KCNAB2: variants seen among roughly 807,000 people sequenced by gnomAD.
KCNAB2 encodes potassium voltage-gated channel subfamily A regulatory beta subunit 2.
KCNAB2 carries 29 observed loss-of-function variants against 63.6 expected under a neutral mutation model. That is an observed-to-expected ratio of 0.46 (90% CI 0.34 to 0.62). The LOEUF (loss-of-function observed/expected upper bound fraction) is 0.62, where lower values mean the gene tolerates loss of function less well. Ranked by LOEUF, KCNAB2 falls within the 20% of genes least tolerant of loss-of-function variation. The pLI is 0.01. For missense variants in KCNAB2, 359 were observed against 563.9 expected (o/e 0.64, Z 3.68); for synonymous variants, 222 against 224.2 (o/e 0.99, Z 0.09).
intron 10 of KCNAB2, 126 bp from the exon 11 acceptor site, chr1:6,094,274 C>T: frequency 1.4e-6 from 1 of 690,162 alleles, no homozygotes; most frequent in Non-Finnish European, 2.5e-6. Context: ...AAGTACACTG[C>T]TTGCAAGACA....
In KCNAB2 at chr1:6,098,534, T is replaced by C. The variant is rs1385103579; in HGVS notation, c.1208T>C (p.Leu403Ser). 2.5e-6 allele frequency: 4 copies of C among 1,614,026 alleles called. No homozygotes were observed. Among genetic ancestry groups the C allele is most frequent in the Non-Finnish European group, 3.4e-6 (4 of 1,179,998 alleles). Residue 403 changes from leucine to serine, a missense_variant, in exon 16 of 16, where the codon TTG becomes TCG. Physicochemically the swap from Leu to Ser is moderately radical, Grantham distance 145. Around this residue, in one of 2 missense-constraint regions of KCNAB2, gnomAD observed 271 missense variants for 476.1 expected, o/e 0.57. Coordinates refer to ENST00000378083, the MANE Select transcript of KCNAB2 (RefSeq NM_001199862.2). ...ATTATCCACGAGATTGATAGTATTT[T>C]GGGCAATAAACCCTACAGCAAAAAG... ...SSIIHEIDSI[L>S]GNKPYSKKDY...
At chr1:6,098,343 T>C in intron 15 of KCNAB2, 142 bp from the exon 16 acceptor site, 1 of 1,456,730 alleles carries the variant, frequency 6.9e-7, no homozygotes, top group South Asian at 1.4e-5. Flanking sequence ...GTGGCCTCCA[T>C]CTGCCTCAGA....
chr1:6,065,294 C>T (rs1453893624), intron 2 of KCNAB2, among the ~76,000 whole-genome samples: 1 of 152,238 alleles, frequency 6.6e-6, no homozygotes, highest in Non-Finnish European at 1.5e-5. Flanking sequence ...GCTGTCAGCC[C>T]GGAGCAGCCA....
intron 1 of KCNAB2, among the ~76,000 whole-genome samples, chr1:6,012,251 G>A (rs1362615880): frequency 1.4e-5 from 2 of 146,684 alleles, no homozygotes; most frequent in African/African-American, 5.1e-5. Context: ...GAAGGCGGAG[G>A]TGGTGGGTGG....
rs565131898 is a variant in KCNAB2 at position 6,028,364 on chromosome 1, A to G, written c.-52-12153A>G. Among the ~76,000 whole-genome samples the G allele has an allele frequency of 6.6e-5, 10 of 152,322 alleles. No homozygotes were observed. The highest frequency in any genetic ancestry group is 2.2e-4 in the African/African-American group (9 of 41,568). On this transcript the variant is annotated intron_variant, in intron 1 of 16. Transcript: ENST00000341524. The surrounding 1 kb of genome is among the most constrained non-coding windows in gnomAD (Gnocchi z 4.0). ...CTCTGGCACGCAGAACAAGCAGACC[A>G]TGGTTTTGTGTTATACAGTAGTCAC... is the stretch of plus-strand genomic sequence containing the variant.
At chr1:5,998,205 G>A (rs1165681451) in intron 1 of KCNAB2, among the ~76,000 whole-genome samples, 1 of 152,246 alleles carries the variant, frequency 6.6e-6, no homozygotes, top group Non-Finnish European at 1.5e-5. Context: ...GAATATGGGT[G>A]AATAGGATAA....
At chr1:6,053,087 TCTC>T (rs1415350320) in intron 2 of KCNAB2, among the ~76,000 whole-genome samples, 6 of 152,122 alleles carry the variant, frequency 3.9e-5, no homozygotes, top group Admixed American at 3.9e-4. Flanking sequence ...ACAAAACACT[TCTC>T]CTGTGAGTCC....
intron 1 of KCNAB2, chr1:6,040,437 C>A: frequency 2.6e-6 from 2 of 757,922 alleles, no homozygotes; most frequent in Non-Finnish European, 4.6e-6. Context: ...CCTTTGTGAT[C>A]CCAGAGTCTC....
At chr1:6,047,257 C>T (rs1224670688) in intron 1 of KCNAB2, among the ~76,000 whole-genome samples, 1 of 152,178 alleles carries the variant, frequency 6.6e-6, no homozygotes, top group African/African-American at 2.4e-5. Flanking sequence ...TGGGGCCACT[C>T]TCTCCTCCCT....
At chr1:6,059,370 T>C (rs562048442) in intron 2 of KCNAB2, among the ~76,000 whole-genome samples, 1 of 152,194 alleles carries the variant, frequency 6.6e-6, no homozygotes, top group African/African-American at 2.4e-5. Flanking sequence ...TTTGTGCTTT[T>C]TGTAGAGATG....
chr1:6,042,112 T>A (rs1173047029), upstream of KCNAB2, among the ~76,000 whole-genome samples: 2 of 152,212 alleles, frequency 1.3e-5, no homozygotes, highest in Non-Finnish European at 2.9e-5. Flanking sequence ...TGCTTTGATT[T>A]GAGCAAATGG....
chr1:6,024,278 G>T lies in KCNAB2; in HGVS notation c.-52-16239G>T, dbSNP rs189255337. On this transcript the variant is annotated intron_variant, in intron 1 of 16. Coordinates refer to the KCNAB2 transcript ENST00000341524. This position sits in a 1 kb window ranked among gnomAD's most constrained non-coding sequence, Gnocchi z 5.4. Reference sequence around the variant, plus strand: ...TTTTAAATTTTTTGTTAGAGATTGGGTCTCACTATGTTGCCCAGACTGGTC... The same window carrying T: ...TTTTAAATTTTTTGTTAGAGATTGGTTCTCACTATGTTGCCCAGACTGGTC... Among the ~76,000 whole-genome samples, 1 of 152,062 alleles carries T rather than the reference G, an allele frequency of 6.6e-6. No individual in the cohort carries two copies. Among genetic ancestry groups the T allele is most frequent in the Non-Finnish European group, 1.5e-5 (1 of 67,986 alleles).
At chr1:6,047,710 C>T (rs142208682) in intron 1 of KCNAB2, among the ~76,000 whole-genome samples, 9 of 152,316 alleles carry the variant, frequency 5.9e-5, no homozygotes, top group South Asian at 2.1e-4. Context: ...GGGACACTCC[C>T]GTGGGCACTG....
In KCNAB2 at chr1:6,039,742, A is replaced by T. The variant is rs185366983; in HGVS notation, c.-52-775A>T. ...CCAGGCTCCCTCGTTCGTTTGAAGG[A>T]CTCCTTTCTTTGGGCTGTTGGGCTG... is the stretch of plus-strand genomic sequence containing the variant. On this transcript the variant is annotated intron_variant, in intron 1 of 15. Coordinates refer to the KCNAB2 transcript ENST00000164247. Among the ~76,000 whole-genome samples the T allele has an allele frequency of 2.2e-3, 335 of 151,290 alleles. 3 individuals carry two copies. The highest frequency in any genetic ancestry group is 0.017 in the Middle Eastern group (5 of 294).
intron 2 of KCNAB2, among the ~76,000 whole-genome samples, chr1:6,067,770 C>A (rs1662875620): frequency 6.6e-6 from 1 of 152,160 alleles, no homozygotes; most frequent in African/African-American, 2.4e-5. Context: ...TGGCTCATGC[C>A]TGTGATCCCA....
chr1:6,082,075 G>T (rs1288705727), intron 4 of KCNAB2, 120 bp from the exon 5 acceptor site: 5 of 775,130 alleles, frequency 6.5e-6, no homozygotes, highest in Middle Eastern at 2.6e-4. Flanking sequence ...AGGGGAGCCT[G>T]TCGGGCCCGG....
At chr1:6,047,547 A>G (rs1006598691) in intron 1 of KCNAB2, among the ~76,000 whole-genome samples, 3 of 152,140 alleles carry the variant, frequency 2.0e-5, no homozygotes, top group Non-Finnish European at 4.4e-5. Flanking sequence ...TGACCTGCAA[A>G]GAGCTGCTGG....
chr1:6,036,514 A>G (rs1660051338), intron 1 of KCNAB2, among the ~76,000 whole-genome samples: 1 of 152,180 alleles, frequency 6.6e-6, no homozygotes, highest in South Asian at 2.1e-4. Flanking sequence ...AAAAAAGAAA[A>G]AAGAAACTGT....
rs767587391 is a variant in KCNAB2 at position 6,035,138 on chromosome 1, C to T, written c.-53+344C>T. Among the ~76,000 whole-genome samples the T allele has an allele frequency of 4.6e-5, 7 of 151,970 alleles. No individual in the cohort carries two copies. The highest frequency in any genetic ancestry group is 2.1e-4 in the South Asian group (1 of 4,810). On this transcript the variant is annotated intron_variant, in intron 1 of 15. Transcript: ENST00000164247. The surrounding 1 kb of genome is among the most constrained non-coding windows in gnomAD (Gnocchi z 5.0). Reference sequence around the variant, plus strand: ...GACCACGGTGGTCAGAAGTTGAATTCGGGCCGGAGGAGGAGGAGTGCATGA... The same window carrying T: ...GACCACGGTGGTCAGAAGTTGAATTTGGGCCGGAGGAGGAGGAGTGCATGA...
Sources: gnomAD v4.1 joint callset for allele counts (sites outside exome capture counted in the v4.1 genomes callset) on GRCh38, gnomAD v4.1.1 for gene constraint, gnomAD v4.1.1 regional missense constraint, Gnocchi (gnomAD v3.1) non-coding constraint, MANE v1.5 for transcripts, NCBI Gene and HGNC (gene_info 2026-07-23, HGNC 2026-07-21) for gene names.